Variants in DOCK7 observed in about 807,000 individuals in gnomAD.
The protein encoded by DOCK7 is dedicator of cytokinesis 7.
A neutral mutation model predicts 271.0 loss-of-function variants in DOCK7; 138 were observed. The ratio of observed to expected loss-of-function variants is 0.51; its 90% CI spans 0.44 to 0.59. The LOEUF is 0.59. DOCK7 is among the 20% of genes least tolerant of loss of function. The pLI, the probability that DOCK7 is intolerant of heterozygous loss-of-function variation, is 0.00. For missense variants in DOCK7, 2,066 were observed against 2,592.4 expected (o/e 0.80, Z 4.41); for synonymous variants, 823 against 876.1 (o/e 0.94, Z 1.07).
At chr1:62,621,176 AG>A (rs1350076248) in intron 12 of DOCK7, among the ~76,000 whole-genome samples, 1 of 151,404 alleles carries the variant, frequency 6.6e-6, no homozygotes, top group Non-Finnish European at 1.5e-5. Flanking sequence ...CGAGGGAGGG[AG>A]GGGGAGGAGG....
intron 18 of DOCK7, among the ~76,000 whole-genome samples, chr1:62,561,945 C>T (rs1646335580): frequency 6.7e-6 from 1 of 150,196 alleles, no homozygotes; most frequent in African/African-American, 2.5e-5. Context: ...TTTCTATCTT[C>T]CCAGAGATAT....
chr1:62,555,015 A>G (rs1571526449), intron 21 of DOCK7, among the ~76,000 whole-genome samples: 1 of 152,246 alleles, frequency 6.6e-6, no homozygotes, highest in East Asian at 1.9e-4. Flanking sequence ...ACTTGCCATT[A>G]TCATTAATGT....
chr1:62,481,322 A>G (rs540775804), intron 43 of DOCK7: 12 of 152,332 alleles, frequency 7.9e-5, no homozygotes, highest in African/African-American at 2.6e-4. Context: ...TGTGTGCAGA[A>G]TGGAGTGGAG....
chr1:62,457,592 A>G lies in DOCK7; in HGVS notation c.6326T>C (p.Ile2109Thr). Reference protein sequence around the residue: ...HRLKEALQPLINRKIPQLYKA... With the variant: ...HRLKEALQPLTNRKIPQLYKA... Reference sequence around the variant, plus strand: ...GTATAACTGAGGGATCTTTCTGTTGATCAGTGGCTGTAGGGCCTCTTTAAG... The same window carrying G: ...GTATAACTGAGGGATCTTTCTGTTGGTCAGTGGCTGTAGGGCCTCTTTAAG... Residue 2109 changes from isoleucine to threonine, a missense_variant, in exon 49 of 50, where the codon ATC becomes ACC. By Grantham distance (89) the Ile-to-Thr change is moderately conservative (BLOSUM62 -1). Around this residue, in one of 2 missense-constraint regions of DOCK7, gnomAD observed 652 missense variants for 922.1 expected, o/e 0.71. Coordinates refer to ENST00000635253, the MANE Select transcript of DOCK7 (RefSeq NM_001367561.1). 1.2e-6 allele frequency: 2 copies of G among 1,614,208 alleles called. No individual in the cohort carries two copies. Among genetic ancestry groups the G allele is most frequent in the Non-Finnish European group, 1.7e-6 (2 of 1,180,036 alleles).
intron 43 of DOCK7, chr1:62,482,622 CTTAA>C (rs947988898): frequency 6.6e-6 from 1 of 152,122 alleles, no homozygotes; most frequent in Non-Finnish European, 1.5e-5. Flanking sequence ...GCCTCAAGCT[CTTAA>C]TTAAGCTTTA....
intron 37 of DOCK7, among the ~76,000 whole-genome samples, chr1:62,500,436 A>G (rs1402790249): frequency 6.6e-6 from 1 of 152,148 alleles, no homozygotes; most frequent in African/African-American, 2.4e-5. Flanking sequence ...AGGTAAAGTA[A>G]AAGTTCCAAC....
Position 62,493,991 on chromosome 1 carries a change from G to A in DOCK7, c.5217+284C>T, listed in dbSNP as rs571540777. On this transcript the variant is annotated intron_variant, in intron 40 of 49. Coordinates refer to ENST00000635253, the MANE Select transcript of DOCK7 (RefSeq NM_001367561.1). ...TGATTATCAGTAATACATTTCCATAGATGTTAAAGTATGTAACGGATTACA... is the reference window on the plus strand; with the variant it reads ...TGATTATCAGTAATACATTTCCATAAATGTTAAAGTATGTAACGGATTACA... Among the ~76,000 whole-genome samples the A allele has an allele frequency of 2.6e-5, 4 of 152,274 alleles. No individual in the cohort carries two copies. The East Asian group carries it at 7.7e-4, about 29-fold the overall frequency.
intron 14 of DOCK7, among the ~76,000 whole-genome samples, chr1:62,616,082 G>A (rs1205108002): frequency 6.6e-6 from 1 of 151,582 alleles, no homozygotes; most frequent in Non-Finnish European, 1.5e-5. Context: ...AACTCAAAAA[G>A]CAAAACCATA....
chr1:62,638,605 A>G (rs1655581154), intron 7 of DOCK7, among the ~76,000 whole-genome samples: 1 of 146,786 alleles, frequency 6.8e-6, no homozygotes, highest in South Asian at 2.1e-4. Context: ...ATGAATATAT[A>G]TTTTTTCATG....
chr1:62,630,921 A>T (rs898065701), intron 11 of DOCK7, among the ~76,000 whole-genome samples: 2 of 152,198 alleles, frequency 1.3e-5, no homozygotes, highest in African/African-American at 4.8e-5. Context: ...ATGGTGGCTC[A>T]CATCTATAAT....
chr1:62,562,482 T>C (rs1012084272), intron 18 of DOCK7, among the ~76,000 whole-genome samples: 2 of 152,120 alleles, frequency 1.3e-5, no homozygotes, highest in Non-Finnish European at 2.9e-5. Context: ...CCCAAGGTGC[T>C]GGGATTACAA....
chr1:62,519,006 T>TACACACAC (rs61224578), intron 31 of DOCK7, among the ~76,000 whole-genome samples: 39,613 of 147,996 alleles, frequency 0.27, 5,572 homozygotes, highest in African/African-American at 0.38. Context: ...AGTCATGCTA[T>TACACACAC]ACACACACAC....
chr1:62,601,901 G>C, intron 14 of DOCK7: 2 of 1,495,322 alleles, frequency 1.3e-6, no homozygotes, highest in Non-Finnish European at 1.9e-6. Context: ...TGTCTAAGGA[G>C]AATAGACAGT....
At chr1:62,461,603 G>T (rs1645528580) in intron 48 of DOCK7, among the ~76,000 whole-genome samples, 2 of 151,148 alleles carry the variant, frequency 1.3e-5, no homozygotes, top group Non-Finnish European at 2.9e-5. Context: ...GCAGGTCAAG[G>T]CTGCAGTGAG....
In DOCK7 at chr1:62,584,115, CAA is replaced by C. The variant is rs1200575064; in HGVS notation, c.1801-863_1801-862del. 4 of 968,674 alleles carry C rather than the reference CAA, an allele frequency of 4.1e-6. No individual in the cohort carries two copies. In the Admixed American group the frequency reaches 1.8e-4, roughly 45 times the overall value. 60.0% of individuals were successfully genotyped at this position (968,674 alleles called of 1,614,324 possible). ...CATCAACACAACTGGTAAAACAACTCAAAGTTTATTATTTATATAAAGAGATT... is the reference window on the plus strand; with the variant it reads ...CATCAACACAACTGGTAAAACAACTCAGTTTATTATTTATATAAAGAGATT... On this transcript the variant is annotated intron_variant, in intron 15 of 49. Transcript: ENST00000635253.
chr1:62,513,870 G>A lies in DOCK7; in HGVS notation c.3965C>T (p.Ala1322Val), dbSNP rs1644577122. The change falls in exon 32 of 50, where the codon GCA (alanine) becomes GTA (valine). Residue 1322 changes from alanine (A) to valine (V), a missense_variant. By Grantham distance (64) the Ala-to-Val change is moderately conservative (BLOSUM62 0). This residue lies in a region of DOCK7 where 1,414 missense variants were observed against 1,670.4 expected (regional missense o/e 0.85). Transcript: ENST00000635253. Reference protein sequence around the residue: ...TSGRQHTTFSAESSRSLLICL... With the variant: ...TSGRQHTTFSVESSRSLLICL... Reference sequence around the variant, plus strand: ...GATCAAAAGGCTTCGACTTGATTCTGCTGAAAAGGTAGTGTGTTGCCTGCC... The same window carrying A: ...GATCAAAAGGCTTCGACTTGATTCTACTGAAAAGGTAGTGTGTTGCCTGCC... 3.1e-6 allele frequency: 5 copies of A among 1,613,814 alleles called. No homozygotes were observed. Among genetic ancestry groups the A allele is most frequent in the East Asian group, 2.2e-5 (1 of 44,866 alleles).
At chr1:62,629,029 T>C (rs946082855) in intron 11 of DOCK7, 1 of 152,212 alleles carries the variant, frequency 6.6e-6, no homozygotes, top group East Asian at 1.9e-4. Context: ...CAACCTACAA[T>C]GAGTACCACT....
rs1250877855 is a variant in DOCK7 at position 62,641,249 on chromosome 1, CTCT to C, written c.819-4649_819-4647del. On this transcript the variant is annotated intron_variant, in intron 7 of 49. Coordinates refer to ENST00000635253, the MANE Select transcript of DOCK7 (RefSeq NM_001367561.1). Reference sequence around the variant, plus strand: ...GTAGTGGATCTTAGCTTTCTTCTTTCTCTTCTTCTCCATGGTGGCTGTCACTGC... The same window carrying C: ...GTAGTGGATCTTAGCTTTCTTCTTTCTCTTCTCCATGGTGGCTGTCACTGC... The C allele has an allele frequency of 3.2e-5, 13 of 412,160 alleles. No homozygotes were observed. In the Admixed American group the frequency reaches 3.7e-4, roughly 12 times the overall value. 25.5% of individuals were successfully genotyped at this position (412,160 alleles called of 1,614,324 possible). A position where few individuals can be genotyped will look rare whatever the true frequency, so the allele number is the denominator to read the frequency against.
chr1:62,525,084 C>T (rs1292259074), intron 31 of DOCK7, among the ~76,000 whole-genome samples: 1 of 151,258 alleles, frequency 6.6e-6, no homozygotes, highest in African/African-American at 2.4e-5. Flanking sequence ...AGGCTTACTG[C>T]AAACTCCACC....
Sources: gnomAD v4.1 joint callset for allele counts (sites outside exome capture counted in the v4.1 genomes callset) on GRCh38, gnomAD v4.1.1 for gene constraint, gnomAD v4.1.1 regional missense constraint, MANE v1.5 for transcripts, NCBI Gene and HGNC (gene_info 2026-07-23, HGNC 2026-07-21) for gene names.